HTRA1: variants seen among roughly 807,000 people sequenced by gnomAD.
The protein encoded by HTRA1 is serine protease HTRA1.
HTRA1 carries 26 observed loss-of-function variants against 49.7 expected under a neutral mutation model. That is an observed-to-expected ratio of 0.52 (90% CI 0.38 to 0.73). The LOEUF is 0.73. Ranked by LOEUF, HTRA1 falls within the 30% of genes least tolerant of loss-of-function variation. The pLI, the probability that HTRA1 is intolerant of heterozygous loss-of-function variation, is 0.00. For missense variants in HTRA1, 561 were observed against 667.2 expected (o/e 0.84, Z 1.75); for synonymous variants, 291 against 286.9 (o/e 1.01, Z -0.14).
At chr10:122,512,419 T>C (rs921432164) in intron 8 of HTRA1, among the ~76,000 whole-genome samples, 2 of 152,192 alleles carry the variant, frequency 1.3e-5, no homozygotes, top group African/African-American at 4.8e-5. Flanking sequence ...TTTTCTAGGC[T>C]TCAGGACCCT....
intron 6 of HTRA1, among the ~76,000 whole-genome samples, chr10:122,509,129 C>G (rs917631605): frequency 6.6e-6 from 1 of 152,130 alleles, no homozygotes; most frequent in African/African-American, 2.4e-5. Context: ...TCAGGGAGAT[C>G]ATTCTGCAAA....
intron 1 of HTRA1, among the ~76,000 whole-genome samples, chr10:122,473,527 T>A (rs962520668): frequency 6.6e-6 from 1 of 152,180 alleles, no homozygotes; most frequent in Non-Finnish European, 1.5e-5. Context: ...TTTCTAGTAG[T>A]CACATTAAAA....
At chr10:122,484,414 A>G (rs2097492262) in intron 1 of HTRA1, among the ~76,000 whole-genome samples, 1 of 152,206 alleles carries the variant, frequency 6.6e-6, no homozygotes, top group Admixed American at 6.5e-5. Flanking sequence ...AGCCTGCCAC[A>G]CAGCTTCCCT....
chr10:122,478,199 G>A (rs1243859395), intron 1 of HTRA1, among the ~76,000 whole-genome samples: 1 of 152,194 alleles, frequency 6.6e-6, no homozygotes, highest in Non-Finnish European at 1.5e-5. Flanking sequence ...CAAGTGATTT[G>A]CAAACTGGAA....
chr10:122,470,842 A>G (rs764570775), intron 1 of HTRA1, among the ~76,000 whole-genome samples: 2 of 152,068 alleles, frequency 1.3e-5, no homozygotes, highest in Non-Finnish European at 2.9e-5. Flanking sequence ...GAAATAGTAA[A>G]ATGCCTCCTG....
chr10:122,507,095 CAGG>C (rs1412470954), intron 4 of HTRA1, among the ~76,000 whole-genome samples: 1 of 152,162 alleles, frequency 6.6e-6, no homozygotes, highest in South Asian at 2.1e-4. Context: ...AGCCTCCTCC[CAGG>C]AGGAAGAAGT....
chr10:122,477,183 G>A (rs575788175), intron 1 of HTRA1, among the ~76,000 whole-genome samples: 65 of 152,092 alleles, frequency 4.3e-4, no homozygotes, highest in African/African-American at 1.5e-3. Flanking sequence ...TAGCCAGGAC[G>A]GTCTCGATCT....
At chr10:122,477,218 T>C (rs1051929475) in intron 1 of HTRA1, among the ~76,000 whole-genome samples, 11 of 152,206 alleles carry the variant, frequency 7.2e-5, no homozygotes, top group East Asian at 1.9e-4. Flanking sequence ...CTGCCCACCT[T>C]GGCCTCCCAA....
At chr10:122,481,276 C>A (rs528585629) in intron 1 of HTRA1, among the ~76,000 whole-genome samples, 1 of 147,560 alleles carries the variant, frequency 6.8e-6, no homozygotes, top group East Asian at 2.1e-4. Flanking sequence ...TAACTAGACA[C>A]AGAAGGGACT....
chr10:122,473,696 C>T (rs542700761), intron 1 of HTRA1, among the ~76,000 whole-genome samples: 1 of 152,296 alleles, frequency 6.6e-6, no homozygotes, highest in East Asian at 1.9e-4. Context: ...ACACTTTCAT[C>T]ACCGTAAAAA....
chr10:122,510,161 A>T lies in HTRA1; in HGVS notation c.1178+8A>T. 1.9e-6 allele frequency: 3 copies of T among 1,611,302 alleles called. No individual in the cohort carries two copies. The African/African-American group carries it at 4.0e-5, about 21-fold the overall frequency. ...GATGTCACTCACGTCCAGGTGGGTA[A>T]ACAGGATGCGTGTCTGTGTCTTAAA... On this transcript the variant is annotated splice_region_variant and intron_variant, in intron 7 of 8. Transcript: ENST00000368984.
intron 3 of HTRA1, among the ~76,000 whole-genome samples, chr10:122,502,204 C>T (rs913853269): frequency 6.6e-6 from 1 of 152,092 alleles, no homozygotes; most frequent in Admixed American, 6.5e-5. Context: ...TTTTCTTAAT[C>T]ATATGTTCCC....
intron 1 of HTRA1, among the ~76,000 whole-genome samples, chr10:122,480,993 C>T (rs2097490740): frequency 6.6e-6 from 1 of 151,802 alleles, no homozygotes; most frequent in Non-Finnish European, 1.5e-5. Flanking sequence ...TTGAAAATGC[C>T]CCTCTCTCCT....
chr10:122,514,493 G>A lies in HTRA1; in HGVS notation c.*134G>A. On this transcript the variant is annotated 3_prime_UTR_variant, in exon 9 of 9. Coordinates refer to ENST00000368984, the MANE Select transcript of HTRA1 (RefSeq NM_002775.5). The stretch of plus-strand genomic sequence containing the variant: ...TTGTTTGTTCAGTGGAGACTCCCTG[G>A]CCAACAGAATCCTTCTTGATAGTTT... The A allele has an allele frequency of 1.2e-6, 1 of 826,290 alleles. No homozygotes were observed. The highest frequency in any genetic ancestry group is 2.0e-6 in the Non-Finnish European group (1 of 489,428). 51.2% of individuals were successfully genotyped at this position (826,290 alleles called of 1,614,324 possible). A position where few individuals can be genotyped will look rare whatever the true frequency, so the allele number is the denominator to read the frequency against.
intron 1 of HTRA1, among the ~76,000 whole-genome samples, chr10:122,477,982 A>G (rs4237540): frequency 0.52 from 79,564 of 152,048 alleles, 22,342 homozygotes; most frequent in African/African-American, 0.73. Context: ...AGACCTGCCC[A>G]GTTTCTTAGC....
intron 3 of HTRA1, among the ~76,000 whole-genome samples, chr10:122,499,684 T>A (rs983980362): frequency 1.3e-5 from 2 of 152,236 alleles, no homozygotes; most frequent in African/African-American, 4.8e-5. Context: ...TGGTTTGATT[T>A]TCCTTAGGAG....
intron 1 of HTRA1, among the ~76,000 whole-genome samples, chr10:122,466,523 G>A (rs894189629): frequency 6.6e-6 from 1 of 152,178 alleles, no homozygotes; most frequent in Non-Finnish European, 1.5e-5. Flanking sequence ...AGCAATCATT[G>A]CTAGCTGAGT....
At chr10:122,475,909 A>G (rs548737484) in intron 1 of HTRA1, among the ~76,000 whole-genome samples, 1 of 152,350 alleles carries the variant, frequency 6.6e-6, no homozygotes, top group South Asian at 2.1e-4. Flanking sequence ...GCCGTGGCTG[A>G]CAAGTTTCCT....
rs181963097 is a variant in HTRA1 at position 122,474,889 on chromosome 10, T to A, written c.472+12765T>A. Among the ~76,000 whole-genome samples the A allele has an allele frequency of 1.4e-3, 215 of 152,312 alleles. 2 individuals carry two copies. The highest frequency in any genetic ancestry group is 5.4e-4 in the Non-Finnish European group (37 of 68,032). ...AAGCAAGGACTGAAAAACACAATTT[T>A]TTTTTTCTTTGCCAGTGAGTCTGAA... On this transcript the variant is annotated intron_variant, in intron 1 of 8. Coordinates refer to ENST00000368984, the MANE Select transcript of HTRA1 (RefSeq NM_002775.5).
Sources: gnomAD v4.1 joint callset for allele counts (sites outside exome capture counted in the v4.1 genomes callset) on GRCh38, gnomAD v4.1.1 for gene constraint, MANE v1.5 for transcripts, NCBI Gene and HGNC (gene_info 2026-07-23, HGNC 2026-07-21) for gene names.